Variants in PHF21A observed in about 807,000 individuals in gnomAD.
PHF21A encodes BHC80a.
Under a neutral mutation model 82.5 loss-of-function variants are expected in PHF21A, and 11 were observed. That is an observed-to-expected ratio of 0.13 (90% CI 0.08 to 0.22). The LOEUF is 0.22. Among genes scored for constraint, PHF21A ranks in the 10% least tolerant of loss-of-function variants. The probability of loss-of-function intolerance (pLI) is 1.00; values close to 1 mark genes in which losing one functional copy is unlikely to be tolerated. For synonymous variants in PHF21A, 297 were observed against 302.8 expected (o/e 0.98, Z 0.20); for missense variants, 579 against 837.8 (o/e 0.69, Z 3.81).
intron 6 of PHF21A, among the ~76,000 whole-genome samples, chr11:45,997,226 C>T (rs1014847923): frequency 1.3e-5 from 2 of 152,062 alleles, no homozygotes; most frequent in African/African-American, 4.8e-5. Context: ...GGATTTTTTT[C>T]CATGAATGTT....
intron 6 of PHF21A, among the ~76,000 whole-genome samples, chr11:46,059,486 T>TA (rs1392273681): frequency 6.6e-6 from 1 of 152,108 alleles, no homozygotes; most frequent in East Asian, 1.9e-4. Flanking sequence ...AGTGCAGTGG[T>TA]ATGATCATAG....
At chr11:46,067,344 G>A (rs2096606388) in intron 6 of PHF21A, among the ~76,000 whole-genome samples, 1 of 152,176 alleles carries the variant, frequency 6.6e-6, no homozygotes, top group African/African-American at 2.4e-5. Flanking sequence ...AGGCGGGCAT[G>A]AGTGAGAAAA....
At chr11:46,067,256 T>A (rs764983188) in intron 6 of PHF21A, among the ~76,000 whole-genome samples, 9 of 152,070 alleles carry the variant, frequency 5.9e-5, no homozygotes, top group Non-Finnish European at 1.0e-4. Context: ...GGTAAAAACA[T>A]CCCAGGTTGA....
chr11:45,997,089 G>A (rs1419840556), intron 6 of PHF21A, among the ~76,000 whole-genome samples: 2 of 152,120 alleles, frequency 1.3e-5, no homozygotes, highest in African/African-American at 4.8e-5. Context: ...TTAATAAGAC[G>A]CTTAGTATTT....
intron 5 of PHF21A, 90 bp from the exon 6 acceptor site, chr11:46,076,909 G>C: frequency 2.0e-6 from 2 of 1,011,518 alleles, no homozygotes; most frequent in South Asian, 1.3e-5. Flanking sequence ...CATTACAAAT[G>C]ATGAAGCAAC....
chr11:46,091,599 C>G (rs904898968), intron 2 of PHF21A, among the ~76,000 whole-genome samples: 1 of 152,166 alleles, frequency 6.6e-6, no homozygotes. Flanking sequence ...TAAATAAACA[C>G]GAGTCCCAAA....
Position 45,984,799 on chromosome 11 carries a change from C to T in PHF21A, c.154-4833G>A, listed in dbSNP as rs545565697. On this transcript the variant is annotated intron_variant, in intron 6 of 18. Transcript: ENST00000676320. Reference sequence around the variant, plus strand: ...AGTGCTGCAAGTCTCTGCTTTTTCACACATTCAGTCACTCCACTGGTTTGT... The same window carrying T: ...AGTGCTGCAAGTCTCTGCTTTTTCATACATTCAGTCACTCCACTGGTTTGT... Among the ~76,000 whole-genome samples, 8 of 152,346 alleles carry T rather than the reference C, an allele frequency of 5.3e-5. No individual in the cohort carries two copies. In the South Asian group the frequency reaches 1.2e-3, roughly 24 times the overall value.
At chr11:46,110,306 G>A (rs894487038) in intron 1 of PHF21A, among the ~76,000 whole-genome samples, 2 of 152,140 alleles carry the variant, frequency 1.3e-5, no homozygotes, top group Non-Finnish European at 2.9e-5. Flanking sequence ...TACGTGACAG[G>A]AGTACACTTA....
intron 15 of PHF21A, among the ~76,000 whole-genome samples, chr11:45,943,311 C>T (rs1421826484): frequency 2.6e-5 from 4 of 151,678 alleles, no homozygotes; most frequent in Non-Finnish European, 4.4e-5. Context: ...TTAGTAGAGA[C>T]GGGGTTTCAC....
chr11:46,002,287 T>C (rs2095157078), intron 6 of PHF21A, among the ~76,000 whole-genome samples: 1 of 152,196 alleles, frequency 6.6e-6, no homozygotes, highest in Admixed American at 6.5e-5. Context: ...TTTCTTTTGC[T>C]CCATCCTCAC....
chr11:45,997,874 A>G (rs1343304999), intron 6 of PHF21A, among the ~76,000 whole-genome samples: 5 of 152,144 alleles, frequency 3.3e-5, no homozygotes, highest in Non-Finnish European at 5.9e-5. Flanking sequence ...ACCTAAAACT[A>G]CCACTTCAAT....
intron 6 of PHF21A, among the ~76,000 whole-genome samples, chr11:46,047,635 T>C (rs1177669889): frequency 6.6e-6 from 1 of 152,226 alleles, no homozygotes; most frequent in Non-Finnish European, 1.5e-5. Context: ...ATATTATTTT[T>C]TCTTTGCAAT....
chr11:46,006,544 C>A (rs914647384), intron 6 of PHF21A, among the ~76,000 whole-genome samples: 1 of 152,076 alleles, frequency 6.6e-6, no homozygotes, highest in Non-Finnish European at 1.5e-5. Flanking sequence ...TCTAAAGATA[C>A]TAAAATCAGT....
intron 6 of PHF21A, among the ~76,000 whole-genome samples, chr11:45,998,394 C>T (rs2094984262): frequency 6.6e-6 from 1 of 152,072 alleles, no homozygotes; most frequent in Admixed American, 6.5e-5. Flanking sequence ...AATGAATATG[C>T]CTACTGAGTA....
intron 10 of PHF21A, among the ~76,000 whole-genome samples, chr11:45,960,750 G>A (rs1364005374): frequency 6.6e-6 from 1 of 152,104 alleles, no homozygotes; most frequent in African/African-American, 2.4e-5. Flanking sequence ...ATATCCCTTC[G>A]ATGAATCTAA....
chr11:45,995,601 C>T (rs759950446), intron 6 of PHF21A, among the ~76,000 whole-genome samples: 6 of 152,218 alleles, frequency 3.9e-5, no homozygotes, highest in Non-Finnish European at 8.8e-5. Context: ...TAACCTTCCA[C>T]ATGAGAGCTC....
intron 11 of PHF21A, among the ~76,000 whole-genome samples, chr11:45,951,337 T>C (rs2092083593): frequency 6.6e-6 from 1 of 152,266 alleles, no homozygotes; most frequent in Admixed American, 6.5e-5. Context: ...CCTGAAGTGA[T>C]AGGTTCAGCC....
At chr11:45,946,635 A>G (rs1416865298) in intron 14 of PHF21A, among the ~76,000 whole-genome samples, 1 of 152,156 alleles carries the variant, frequency 6.6e-6, no homozygotes, top group Non-Finnish European at 1.5e-5. Flanking sequence ...TTGGCCTCCC[A>G]AAGTGCTGGG....
chr11:46,101,456 T>C (rs973877145), intron 1 of PHF21A, among the ~76,000 whole-genome samples: 1 of 152,212 alleles, frequency 6.6e-6, no homozygotes, highest in Non-Finnish European at 1.5e-5. Flanking sequence ...ATGCTGGTAA[T>C]TGTTAGTTAG....
Sources: gnomAD v4.1 joint callset for allele counts (sites outside exome capture counted in the v4.1 genomes callset) on GRCh38, gnomAD v4.1.1 for gene constraint, MANE v1.5 for transcripts, NCBI Gene and HGNC (gene_info 2026-07-23, HGNC 2026-07-21) for gene names.